The following CUL5 variants were observed in gnomAD, a reference collection of about 807,000 sequenced individuals.
CUL5 encodes the protein cullin 5.
In CUL5, 26 loss-of-function variants were observed where a neutral mutation model predicts 108.8. That is an observed-to-expected ratio of 0.24 (90% CI 0.18 to 0.33). The LOEUF (loss-of-function observed/expected upper bound fraction) is 0.33, where lower values mean the gene tolerates loss of function less well. CUL5 is among the 10% of genes least tolerant of loss of function. CUL5 has a pLI of 1.00. For missense variants in CUL5, 524 were observed against 909.2 expected (o/e 0.58, Z 5.45); for synonymous variants, 334 against 298.0 (o/e 1.12, Z -1.25).
At chr11:108,090,456 A>G (rs1023017937) in intron 13 of CUL5, among the ~76,000 whole-genome samples, 1 of 152,124 alleles carries the variant, frequency 6.6e-6, no homozygotes, top group Non-Finnish European at 1.5e-5. Context: ...GAGCCACTGA[A>G]CTCCAGCCTG....
chr11:108,018,421 C>A (rs1413248275), intron 1 of CUL5, among the ~76,000 whole-genome samples: 1 of 151,890 alleles, frequency 6.6e-6, no homozygotes, highest in African/African-American at 2.4e-5. Context: ...AATCCCAGCA[C>A]TTTGGGAGGC....
Position 108,078,169 on chromosome 11 carries a change from T to G in CUL5, c.1114-7T>G. 1.3e-6 allele frequency: 2 copies of G among 1,494,650 alleles called. No homozygotes were observed. Among genetic ancestry groups the G allele is most frequent in the Non-Finnish European group, 9.1e-7 (1 of 1,096,898 alleles). 92.6% of individuals were successfully genotyped at this position (1,494,650 alleles called of 1,614,324 possible). On this transcript the variant is annotated splice_region_variant and splice_polypyrimidine_tract_variant and intron_variant, in intron 10 of 18. Transcript: ENST00000393094. ...AAAAATATTTTATTCCAAATTATTT[T>G]TTGCAGGCGTATAAAGCAGTTGTTA...
chr11:108,040,909 G>A (rs1035194044), intron 2 of CUL5, among the ~76,000 whole-genome samples: 1 of 152,180 alleles, frequency 6.6e-6, no homozygotes, highest in Non-Finnish European at 1.5e-5. Flanking sequence ...CTTTTGATAA[G>A]ATTTCTAGGG....
At chr11:108,033,935 T>A in intron 2 of CUL5, 24 bp downstream of exon 2, 1 of 1,446,744 alleles carries the variant, frequency 6.9e-7, no homozygotes, top group Non-Finnish European at 9.6e-7. Context: ...TAATTCTGTT[T>A]GCTAGCATAA....
chr11:108,019,250 A>G (rs1018420761), intron 1 of CUL5, among the ~76,000 whole-genome samples: 2 of 152,098 alleles, frequency 1.3e-5, no homozygotes, highest in African/African-American at 4.8e-5. Flanking sequence ...CACAGATACC[A>G]AGGGACAACT....
chr11:108,073,655 T>G, intron 10 of CUL5, 158 bp downstream of exon 10: 1 of 402,182 alleles, frequency 2.5e-6, no homozygotes, highest in East Asian at 3.8e-5. Context: ...TCGTTTTGTC[T>G]TGGCTGTAAG....
chr11:108,088,801 A>T, intron 12 of CUL5, 142 bp downstream of exon 12: 6 of 561,918 alleles, frequency 1.1e-5, no homozygotes, highest in South Asian at 5.6e-5. Context: ...GCAGTGCAAG[A>T]CCTCTCGGGG....
intron 4 of CUL5, 149 bp from the exon 5 acceptor site, chr11:108,052,511 C>G: frequency 1.6e-6 from 1 of 613,384 alleles, no homozygotes; most frequent in South Asian, 2.6e-5. Context: ...ATCCACCTGC[C>G]TCGGCCTCCC....
intron 7 of CUL5, among the ~76,000 whole-genome samples, chr11:108,056,856 C>T (rs1280254445): frequency 1.3e-5 from 2 of 152,014 alleles, no homozygotes; most frequent in Non-Finnish European, 2.9e-5. Flanking sequence ...ATGGATGGGG[C>T]TAGATATCAC....
chr11:108,020,450 A>AT (rs1419127168), intron 1 of CUL5, among the ~76,000 whole-genome samples: 4 of 152,206 alleles, frequency 2.6e-5, no homozygotes, highest in Admixed American at 2.6e-4. Context: ...AAGATTGAGA[A>AT]TAAAAAACCT....
At chr11:108,039,014 C>CT (rs1299978154) in intron 2 of CUL5, among the ~76,000 whole-genome samples, 168 of 144,676 alleles carry the variant, frequency 1.2e-3, no homozygotes, top group African/African-American at 1.9e-3. Flanking sequence ...GTCCTTCACT[C>CT]TTTTTTTTTT....
chr11:108,050,091 T>A (rs775395061), intron 4 of CUL5, 25 bp downstream of exon 4: 2 of 1,537,028 alleles, frequency 1.3e-6, no homozygotes, highest in Non-Finnish European at 1.8e-6. Context: ...CTCCTTGTTT[T>A]CCTAATATTC....
At chr11:108,012,798 T>C (rs1862087018) in intron 1 of CUL5, among the ~76,000 whole-genome samples, 1 of 152,088 alleles carries the variant, frequency 6.6e-6, no homozygotes, top group African/African-American at 2.4e-5. Context: ...GATTTTACCA[T>C]ATTGGCCAGG....
intron 10 of CUL5, among the ~76,000 whole-genome samples, chr11:108,074,799 T>A (rs1438329954): frequency 6.6e-6 from 1 of 152,002 alleles, no homozygotes; most frequent in African/African-American, 2.4e-5. Context: ...AGAGCGAAAC[T>A]CTGTCTCAAA....
intron 13 of CUL5, among the ~76,000 whole-genome samples, chr11:108,092,510 G>C (rs1040347535): frequency 6.6e-5 from 10 of 152,198 alleles, no homozygotes; most frequent in Non-Finnish European, 1.5e-5. Context: ...AATATTTTTT[G>C]TGATAAAAAG....
chr11:108,049,747 T>G lies in CUL5; in HGVS notation c.235-143T>G, dbSNP rs1863163269. The G allele has an allele frequency of 5.4e-5, 35 of 653,472 alleles. No individual in the cohort carries two copies. The South Asian group carries it at 7.5e-4, about 14-fold the overall frequency. The allele number at this position is 653,472 out of a possible 1,614,324, so 40.5% of individuals were successfully genotyped here. ...GAACATTCGTGTACAAGTTTTTTTG[T>G]GAACATGTTTTAATTTCTTTTGGAT... On this transcript the variant is annotated intron_variant, in intron 3 of 18. Transcript: ENST00000393094.
At chr11:108,071,370 C>T (rs1341350293) in intron 8 of CUL5, among the ~76,000 whole-genome samples, 2 of 152,120 alleles carry the variant, frequency 1.3e-5, no homozygotes, top group African/African-American at 4.8e-5. Context: ...AAGCGATCCT[C>T]CCACCTCCCA....
At chr11:108,062,950 A>T (rs906378485) in intron 7 of CUL5, among the ~76,000 whole-genome samples, 6 of 151,970 alleles carry the variant, frequency 3.9e-5, no homozygotes, top group African/African-American at 1.5e-4. Flanking sequence ...GGTTCAAGTG[A>T]TTCTTCTGCC....
chr11:108,034,720 C>T (rs1260331924), intron 2 of CUL5, among the ~76,000 whole-genome samples: 1 of 152,158 alleles, frequency 6.6e-6, no homozygotes, highest in Non-Finnish European at 1.5e-5. Context: ...TTCCCAGCTG[C>T]TGTGTTTTGT....
Sources: gnomAD v4.1 joint callset for allele counts (sites outside exome capture counted in the v4.1 genomes callset) on GRCh38, gnomAD v4.1.1 for gene constraint, MANE v1.5 for transcripts, NCBI Gene and HGNC (gene_info 2026-07-23, HGNC 2026-07-21) for gene names.